Variants in KNDC1 observed in about 807,000 individuals in gnomAD.
KNDC1 encodes the protein kinase non-catalytic C-lobe domain containing 1.
KNDC1 carries 106 observed loss-of-function variants against 172.8 expected under a neutral mutation model. That is an observed-to-expected ratio of 0.61 (90% CI 0.52 to 0.72). The LOEUF is 0.72. Ranked by LOEUF, KNDC1 falls within the 30% of genes least tolerant of loss-of-function variation. The pLI is 0.00. For missense variants in KNDC1, 2,325 were observed against 2,394.5 expected (o/e 0.97, Z 0.61); for synonymous variants, 1,083 against 1,062.2 (o/e 1.02, Z -0.38).
chr10:133,167,264 C>T (rs992209400), intron 1 of KNDC1, 117 bp from the exon 2 acceptor site: 4 of 944,844 alleles, frequency 4.2e-6, no homozygotes, highest in African/African-American at 1.7e-5. Context: ...CTTTCCCTGA[C>T]CCACGCGTTG....
chr10:133,197,149 G>T lies in KNDC1; in HGVS notation c.1812+14G>T. ...TCCATCTGCCAGGTGGGCTAGAACA[G>T]CCAGGCCGCCGCCTCCTCCGCCGCG... On this transcript the variant is annotated intron_variant, in intron 11 of 29. Coordinates refer to ENST00000304613, the MANE Select transcript of KNDC1 (RefSeq NM_152643.8). 6.2e-7 allele frequency: 1 copy of T among 1,607,382 alleles called. No individual in the cohort carries two copies. Among genetic ancestry groups the T allele is most frequent in the Non-Finnish European group, 8.5e-7 (1 of 1,175,620 alleles).
chr10:133,182,953 AGGCGG>A (rs1853763015), intron 3 of KNDC1, among the ~76,000 whole-genome samples: 1 of 125,974 alleles, frequency 7.9e-6, no homozygotes, highest in South Asian at 2.6e-4. Flanking sequence ...GTGTGGGCAC[AGGCGG>A]TGTGGGCACA....
chr10:133,196,737 G>A (rs1035427602), intron 10 of KNDC1, among the ~76,000 whole-genome samples: 3 of 152,148 alleles, frequency 2.0e-5, no homozygotes, highest in African/African-American at 7.2e-5. Context: ...AGGAGTGGCC[G>A]GGGGCAGGGA....
chr10:133,189,860 G>A (rs534168054), intron 9 of KNDC1, 47 bp downstream of exon 9: 22 of 1,444,748 alleles, frequency 1.5e-5, no homozygotes, highest in African/African-American at 1.1e-4. Flanking sequence ...CCCAGCCCTC[G>A]GGGATGCCAC....
intron 17 of KNDC1, among the ~76,000 whole-genome samples, chr10:133,203,962 G>A (rs995200628): frequency 2.6e-5 from 4 of 152,218 alleles, no homozygotes; most frequent in East Asian, 1.9e-4. Flanking sequence ...CATCGGGCTC[G>A]CAGGCACCCG....
chr10:133,203,943 C>T lies in KNDC1; in HGVS notation c.3387+2045C>T, dbSNP rs537893986. Among the ~76,000 whole-genome samples the T allele has an allele frequency of 3.9e-3, 601 of 152,336 alleles. 3 individuals are homozygous for T. Among genetic ancestry groups the T allele is most frequent in the Non-Finnish European group, 6.2e-3 (419 of 68,014 alleles). On this transcript the variant is annotated intron_variant, in intron 17 of 29. Coordinates refer to ENST00000304613, the MANE Select transcript of KNDC1 (RefSeq NM_152643.8). ...GGAGTCTGCGTGAGCTGCACTCCAG[C>T]CAGGCGGGCATCGGGCTCGCAGGCA...
At chr10:133,219,827 CG>C in intron 28 of KNDC1, 127 bp from the exon 29 acceptor site, 1 of 900,294 alleles carries the variant, frequency 1.1e-6, no homozygotes. Context: ...TTCAGAGAGC[CG>C]GGTAGACCCC....
chr10:133,175,958 GTGGATGGATGGA>G (rs1191958963), intron 3 of KNDC1, among the ~76,000 whole-genome samples: 2 of 147,800 alleles, frequency 1.4e-5, no homozygotes, highest in Non-Finnish European at 3.0e-5. Flanking sequence ...GAATGGATGG[GTGGATGGATGGA>G]TGGATGGGTG....
chr10:133,192,315 G>A (rs1281532992), intron 9 of KNDC1, among the ~76,000 whole-genome samples: 2 of 152,156 alleles, frequency 1.3e-5, no homozygotes, highest in Non-Finnish European at 2.9e-5. Flanking sequence ...TAGACCAATG[G>A]AAGAGAATAG....
rs754191827 is a variant in KNDC1, at chr10:133,188,623, C to T, written c.1411C>T (p.Arg471Cys). ...ELWALCLACL[R>C]ALQTRPEHPA... ...GTGGGCCCTGTGCCTGGCCTGCCTC[C>T]GCGCACTGCAGACACGCCCTGAGCA... The change falls in exon 7 of 30, where the codon CGC (arginine) becomes TGC (cysteine). Residue 471 changes from arginine (R) to cysteine (C), a missense_variant. Transcript: ENST00000304613. 1.1e-5 allele frequency: 18 copies of T among 1,596,156 alleles called. No homozygotes were observed. Among genetic ancestry groups the T allele is most frequent in the South Asian group, 3.4e-5 (3 of 88,592 alleles).
intron 20 of KNDC1, among the ~76,000 whole-genome samples, chr10:133,208,229 G>C (rs539864218): frequency 3.4e-5 from 5 of 148,504 alleles, no homozygotes; most frequent in African/African-American, 1.2e-4. Flanking sequence ...CCCCAACCCC[G>C]TTACCCCAAG....
At chr10:133,182,946 TGGGC>T (rs1853762582) in intron 3 of KNDC1, among the ~76,000 whole-genome samples, 2 of 133,450 alleles carry the variant, frequency 1.5e-5, no homozygotes, top group Non-Finnish European at 3.3e-5. Flanking sequence ...ACAGGCGGTG[TGGGC>T]ACAGGCGGTG....
intron 5 of KNDC1, 129 bp from the exon 6 acceptor site, chr10:133,185,833 GGAGGAGAGGGGA>G: frequency 2.1e-6 from 1 of 470,630 alleles, no homozygotes; most frequent in South Asian, 2.2e-5. Context: ...TCGTGGGAGG[GGAGGAGAGGGGA>G]GGGGAGGGGA....
At chr10:133,183,073 C>T (rs1025887271) in intron 3 of KNDC1, among the ~76,000 whole-genome samples, 4 of 147,514 alleles carry the variant, frequency 2.7e-5, no homozygotes, top group African/African-American at 1.0e-4. Context: ...GTGTGGGCGG[C>T]GTGGGCACGG....
rs559795392 is a variant in KNDC1 at position 133,183,176 on chromosome 10, G to T, written c.361-168G>T. Among the ~76,000 whole-genome samples the T allele has an allele frequency of 1.5e-4, 23 of 149,948 alleles. 1 individual carries two copies. Among genetic ancestry groups the T allele is most frequent in the African/African-American group, 5.7e-4 (23 of 40,696 alleles). On this transcript the variant is annotated intron_variant, in intron 3 of 29. Transcript: ENST00000304613. ...CGCGGGCGGCGAGGGTGCCAGCGGC[G>T]TGGGCGCGGGCGGCAAGGGTGTGGG...
chr10:133,211,375 CCCGACT>C (rs1845358884), intron 21 of KNDC1, 41 bp from the exon 22 acceptor site: 1 of 1,584,850 alleles, frequency 6.3e-7, no homozygotes, highest in East Asian at 2.3e-5. Flanking sequence ...GGCCTCTGCC[CCCGACT>C]CCCACATCCT....
Position 133,186,072 on chromosome 10 carries a change from AC to A in KNDC1, c.729del (p.Glu244LysfsTer24). ...CAGCACTGACCCGGAGGTTCTGCCGACCCCCGAAGGCCCGGAGTCTGAGACG... is the reference window on the plus strand; with the variant it reads ...CAGCACTGACCCGGAGGTTCTGCCGACCCCGAAGGCCCGGAGTCTGAGACG... The part of the protein sequence containing the change: ...DPSTDPEVLP[T>X]PEGPESETSR... On this transcript the variant is annotated frameshift_variant, in exon 6 of 30. Transcript: ENST00000304613. LOFTEE classifies it high-confidence loss of function. 6.3e-7 allele frequency: 1 copy of A among 1,597,982 alleles called. No individual in the cohort carries two copies. The highest frequency in any genetic ancestry group is 1.7e-5 in the Admixed American group (1 of 58,200).
chr10:133,217,081 G>C (rs1380551696), intron 26 of KNDC1, among the ~76,000 whole-genome samples: 1 of 152,264 alleles, frequency 6.6e-6, no homozygotes, highest in East Asian at 1.9e-4. Context: ...GGAAGATGGA[G>C]AGTCGCAGAC....
At chr10:133,223,828 T>A (rs1254680763) in intron 29 of KNDC1, among the ~76,000 whole-genome samples, 1 of 56,666 alleles carries the variant, frequency 1.8e-5, no homozygotes, top group African/African-American at 6.7e-5. Context: ...TGTGTGTGTG[T>A]GAGAGCCCAT....
Sources: allele counts gnomAD v4.1 joint callset (sites outside exome capture counted in the v4.1 genomes callset), GRCh38; gene constraint gnomAD v4.1.1; transcripts MANE v1.5; gene names NCBI Gene and HGNC (gene_info 2026-07-23, HGNC 2026-07-21).